The following GRM8 variants were observed in gnomAD, a reference collection of about 807,000 sequenced individuals.
The protein encoded by GRM8 is metabotropic glutamate receptor 8.
In GRM8, 47 loss-of-function variants were observed where a neutral mutation model predicts 87.2. The ratio of observed to expected loss-of-function variants is 0.54; its 90% confidence interval spans 0.43 to 0.69. The LOEUF is 0.69. Ranked by LOEUF, GRM8 falls within the 30% of genes least tolerant of loss-of-function variation. GRM8 has a pLI of 0.00. For synonymous variants in GRM8, 396 were observed against 404.5 expected, an observed-to-expected ratio of 0.98 and a Z score of 0.25; for missense variants, 1,019 against 1,139.2, an observed-to-expected ratio of 0.89 and a Z score of 1.52.
At chr7:127,046,386 A>AG (rs1252060056) in intron 3 of GRM8, among the ~76,000 whole-genome samples, 16 of 150,022 alleles carry the variant, frequency 1.1e-4, no homozygotes, top group Non-Finnish European at 2.2e-4. Flanking sequence ...AAAATAAAAA[A>AG]TAAAAAAAAA....
chr7:126,713,470 A>G (rs1007492620), intron 7 of GRM8, among the ~76,000 whole-genome samples: 2 of 152,162 alleles, frequency 1.3e-5, no homozygotes, highest in Admixed American at 6.5e-5. Flanking sequence ...GGGGAGGGAG[A>G]GCATTAGGAC....
intron 6 of GRM8, among the ~76,000 whole-genome samples, chr7:126,820,619 G>A (rs1048924739): frequency 6.6e-6 from 1 of 152,132 alleles, no homozygotes; most frequent in Non-Finnish European, 1.5e-5. Context: ...GTAAAACCAC[G>A]GATAGGTGTG....
chr7:127,227,421 C>T lies in GRM8; in HGVS notation c.510+15274G>A, dbSNP rs575576171. Among the ~76,000 whole-genome samples, 3 of 152,314 alleles carry T rather than the reference C, an allele frequency of 2.0e-5. No individual in the cohort carries two copies. The South Asian group carries it at 6.2e-4, about 32-fold the overall frequency. The stretch of plus-strand genomic sequence containing the variant: ...ACCATTCTAGACTCTAGATTCTAGA[C>T]ATGGAAACGAGAAGCAAATGAAAAG... On this transcript the variant is annotated intron_variant, in intron 2 of 10. Transcript: ENST00000339582.
chr7:126,485,824 C>T lies in GRM8; in HGVS notation c.2431-39452G>A, dbSNP rs144090114. The stretch of plus-strand genomic sequence containing the variant: ...TGGCCAAGACAGAATGGGGACATGC[C>T]TCATTATACTCCCTCCTTTTTGCAG... On this transcript the variant is annotated intron_variant, in intron 9 of 10. Transcript: ENST00000339582. Among the ~76,000 whole-genome samples the T allele has an allele frequency of 3.7e-3, 557 of 152,008 alleles. 5 individuals are homozygous for T. The highest frequency in any genetic ancestry group is 0.013 in the African/African-American group (532 of 41,490).
At chr7:127,164,727 C>G (rs1261761118) in intron 2 of GRM8, among the ~76,000 whole-genome samples, 1 of 151,996 alleles carries the variant, frequency 6.6e-6, no homozygotes, top group Non-Finnish European at 1.5e-5. Context: ...CCTCTCTCCA[C>G]TTCAAAACAC....
intron 6 of GRM8, among the ~76,000 whole-genome samples, chr7:126,806,813 G>A (rs531739166): frequency 3.3e-5 from 5 of 152,258 alleles, no homozygotes; most frequent in Admixed American, 6.5e-5. Flanking sequence ...CGGGGCTTGC[G>A]GAGCCCGCGC....
chr7:127,080,454 C>G (rs1275776298), intron 3 of GRM8, among the ~76,000 whole-genome samples: 1 of 152,170 alleles, frequency 6.6e-6, no homozygotes, highest in Non-Finnish European at 1.5e-5. Flanking sequence ...AGGAAACTAG[C>G]ACATCCCCCA....
chr7:126,445,890 T>C (rs529831876), intron 10 of GRM8, among the ~76,000 whole-genome samples: 1 of 152,138 alleles, frequency 6.6e-6, no homozygotes, highest in South Asian at 2.1e-4. Context: ...AAGATCTGAA[T>C]GTCATGCTTT....
intron 2 of GRM8, among the ~76,000 whole-genome samples, chr7:127,231,985 C>T (rs73231258): frequency 0.077 from 11,737 of 151,748 alleles, 681 homozygotes; most frequent in African/African-American, 0.16. Flanking sequence ...TTCTCTGGGT[C>T]TTCCATTTTT....
At chr7:127,251,683 C>G (rs1210011088) in intron 1 of GRM8, among the ~76,000 whole-genome samples, 1 of 151,402 alleles carries the variant, frequency 6.6e-6, no homozygotes, top group Non-Finnish European at 1.5e-5. Context: ...CCCGCCGCAC[C>G]TGGCCGCCCG....
At chr7:126,876,159 G>A (rs1799509740) in intron 6 of GRM8, among the ~76,000 whole-genome samples, 1 of 152,118 alleles carries the variant, frequency 6.6e-6, no homozygotes, top group South Asian at 2.1e-4. Context: ...CAGCTGCCAA[G>A]CCATTTCTTA....
Position 127,223,954 on chromosome 7 carries a change from A to T in GRM8, c.510+18741T>A, listed in dbSNP as rs1797146802. On this transcript the variant is annotated intron_variant, in intron 2 of 10. Transcript: ENST00000339582. The stretch of plus-strand genomic sequence containing the variant: ...AAACTCAATGGATGGGTTCAATAGC[A>T]GAATAAAGAGAACAGAGGCCAAAAA... Among the ~76,000 whole-genome samples, 3 of 150,928 alleles carry T rather than the reference A, an allele frequency of 2.0e-5. No homozygotes were observed. In the South Asian group the frequency reaches 6.3e-4, roughly 31 times the overall value.
chr7:126,781,534 C>T (rs2151640332), intron 6 of GRM8, among the ~76,000 whole-genome samples: 1 of 152,244 alleles, frequency 6.6e-6, no homozygotes, highest in Middle Eastern at 3.4e-3. Context: ...AATGTGATGA[C>T]CTGCTTTAAA....
At chr7:126,942,224 T>C (rs1807033025) in intron 3 of GRM8, among the ~76,000 whole-genome samples, 1 of 152,220 alleles carries the variant, frequency 6.6e-6, no homozygotes, top group African/African-American at 2.4e-5. Flanking sequence ...AACGTACCTA[T>C]TTTTTAAGTG....
chr7:126,961,151 A>G (rs76487049), intron 3 of GRM8, among the ~76,000 whole-genome samples: 2,298 of 152,356 alleles, frequency 0.015, 25 homozygotes, highest in Non-Finnish European at 0.022. Flanking sequence ...TTAAATGAAG[A>G]TAACAGAAAT....
chr7:126,898,838 T>C (rs1479724711), intron 6 of GRM8, among the ~76,000 whole-genome samples: 2 of 152,176 alleles, frequency 1.3e-5, no homozygotes, highest in African/African-American at 4.8e-5. Flanking sequence ...GGTATACATG[T>C]ACCATGATGG....
chr7:126,456,590 G>A (rs1365487028), intron 9 of GRM8, among the ~76,000 whole-genome samples: 1 of 140,638 alleles, frequency 7.1e-6, no homozygotes, highest in Non-Finnish European at 1.5e-5. Flanking sequence ...TAGAATTCAG[G>A]TCCATGGAGG....
chr7:126,607,632 T>G (rs954804489), intron 8 of GRM8, among the ~76,000 whole-genome samples: 4 of 152,052 alleles, frequency 2.6e-5, no homozygotes, highest in South Asian at 2.1e-4. Context: ...AGAAGAAGAA[T>G]ATTTTCCTAG....
At chr7:127,063,340 C>G (rs1439779911) in intron 3 of GRM8, among the ~76,000 whole-genome samples, 2 of 152,124 alleles carry the variant, frequency 1.3e-5, no homozygotes, top group Non-Finnish European at 2.9e-5. Flanking sequence ...CTTAGGGAGG[C>G]CAAGGTGGGC....
Sources: allele counts gnomAD v4.1 joint callset (sites outside exome capture counted in the v4.1 genomes callset), GRCh38; gene constraint gnomAD v4.1.1; transcripts MANE v1.5; gene names NCBI Gene and HGNC (gene_info 2026-07-23, HGNC 2026-07-21).